SORCS3: variants seen among roughly 807,000 people sequenced by gnomAD.
The protein encoded by SORCS3 is sortilin related VPS10 domain containing receptor 3.
SORCS3 carries 57 observed loss-of-function variants against 146.3 expected under a neutral mutation model. The ratio of observed to expected loss-of-function variants is 0.39; its 90% CI spans 0.31 to 0.49. The LOEUF (loss-of-function observed/expected upper bound fraction) is 0.49, where lower values mean the gene tolerates loss of function less well. Ranked by LOEUF, SORCS3 falls within the 20% of genes least tolerant of loss-of-function variation. The pLI is 0.92. For synonymous variants in SORCS3, 653 were observed against 618.5 expected, an observed-to-expected ratio of 1.06 and a Z score of -0.83; for missense variants, 1,341 against 1,575.5, an observed-to-expected ratio of 0.85 and a Z score of 2.52.
intron 3 of SORCS3, among the ~76,000 whole-genome samples, chr10:104,945,987 C>A (rs1254380391): frequency 6.6e-6 from 1 of 152,142 alleles, no homozygotes; most frequent in Middle Eastern, 3.4e-3. Flanking sequence ...CTAGTCCTGG[C>A]TCCACCTCTT....
chr10:105,214,708 C>A, intron 18 of SORCS3, 95 bp downstream of exon 18: 2 of 1,218,926 alleles, frequency 1.6e-6, no homozygotes, highest in Non-Finnish European at 1.1e-6. Flanking sequence ...GACCCCTGCA[C>A]CAAAGTCAAT....
chr10:104,644,159 A>G (rs1428307461), intron 1 of SORCS3, among the ~76,000 whole-genome samples: 1 of 152,220 alleles, frequency 6.6e-6, no homozygotes, highest in Non-Finnish European at 1.5e-5. Context: ...GGTGACAGCA[A>G]TGAGATTGGA....
intron 3 of SORCS3, 60 bp downstream of exon 3, chr10:104,915,992 C>T: frequency 1.5e-6 from 2 of 1,329,398 alleles, no homozygotes; most frequent in Non-Finnish European, 2.2e-6. Flanking sequence ...CTGATTAGGG[C>T]CAGAGGTTAA....
At chr10:104,742,874 A>T (rs2016865326) in intron 1 of SORCS3, among the ~76,000 whole-genome samples, 1 of 152,192 alleles carries the variant, frequency 6.6e-6, no homozygotes, top group Non-Finnish European at 1.5e-5. Context: ...AGACTCCGTA[A>T]GACTGGCCAC....
intron 1 of SORCS3, among the ~76,000 whole-genome samples, chr10:104,768,548 TA>T (rs1797298952): frequency 6.6e-6 from 1 of 152,244 alleles, no homozygotes; most frequent in African/African-American, 2.4e-5. Flanking sequence ...TTTTTCTGTC[TA>T]TTGTTTTCTT....
At chr10:105,210,622 C>T (rs1350603357) in intron 16 of SORCS3, among the ~76,000 whole-genome samples, 3 of 152,126 alleles carry the variant, frequency 2.0e-5, no homozygotes, top group Non-Finnish European at 4.4e-5. Context: ...TAAAGAAACA[C>T]ACAAAAAGAG....
chr10:105,080,782 C>T (rs543424354), intron 5 of SORCS3, among the ~76,000 whole-genome samples: 1 of 152,082 alleles, frequency 6.6e-6, no homozygotes, highest in East Asian at 1.9e-4. Context: ...ATCCCAGCAC[C>T]AAAACAGCAT....
chr10:104,687,733 G>A (rs528789277), intron 1 of SORCS3, among the ~76,000 whole-genome samples: 10 of 152,210 alleles, frequency 6.6e-5, no homozygotes, highest in Middle Eastern at 3.4e-3. Flanking sequence ...GGTGGGGAGC[G>A]GAGGGCTGGA....
chr10:104,803,846 T>A (rs1393324641), intron 1 of SORCS3, among the ~76,000 whole-genome samples: 1 of 152,208 alleles, frequency 6.6e-6, no homozygotes, highest in Non-Finnish European at 1.5e-5. Context: ...GAGAGTCCTC[T>A]GCCTCCTCCA....
At chr10:105,138,761 A>G (rs1261680386) in intron 7 of SORCS3, among the ~76,000 whole-genome samples, 1 of 152,216 alleles carries the variant, frequency 6.6e-6, no homozygotes, top group Non-Finnish European at 1.5e-5. Flanking sequence ...CTAGCCAGAG[A>G]TAACAGAGTT....
intron 5 of SORCS3, among the ~76,000 whole-genome samples, chr10:105,073,894 CTGTG>C (rs2055573069): frequency 6.6e-6 from 1 of 152,028 alleles, no homozygotes; most frequent in African/African-American, 2.4e-5. Flanking sequence ...GCAGTTTGAT[CTGTG>C]TGTGTGTAAC....
chr10:104,676,377 T>C (rs2015913228), intron 1 of SORCS3, among the ~76,000 whole-genome samples: 1 of 152,192 alleles, frequency 6.6e-6, no homozygotes, highest in Non-Finnish European at 1.5e-5. Flanking sequence ...GATAAAAGCC[T>C]CTTTTTCAAG....
chr10:105,120,110 C>T (rs541367755), intron 7 of SORCS3, among the ~76,000 whole-genome samples: 2 of 152,176 alleles, frequency 1.3e-5, no homozygotes, highest in South Asian at 2.1e-4. Context: ...ATCATGGGGG[C>T]GGTTGCCCTC....
At chr10:105,169,441 C>T (rs1328484419) in intron 13 of SORCS3, among the ~76,000 whole-genome samples, 1 of 152,028 alleles carries the variant, frequency 6.6e-6, no homozygotes, top group African/African-American at 2.4e-5. Context: ...TCTCAAAGTT[C>T]AGCCCTCATG....
At chr10:105,071,076 A>G (rs898572461) in intron 5 of SORCS3, among the ~76,000 whole-genome samples, 1 of 152,150 alleles carries the variant, frequency 6.6e-6, no homozygotes, top group Admixed American at 6.5e-5. Flanking sequence ...TGGAGAGTGT[A>G]GGACTCCTGG....
intron 5 of SORCS3, among the ~76,000 whole-genome samples, chr10:105,045,971 A>C (rs1420014933): frequency 6.6e-6 from 1 of 152,180 alleles, no homozygotes; most frequent in African/African-American, 2.4e-5. Context: ...TTTATTGCCA[A>C]GAATCCACAT....
intron 1 of SORCS3, among the ~76,000 whole-genome samples, chr10:104,826,598 C>A (rs771017411): frequency 1.3e-5 from 2 of 152,084 alleles, no homozygotes; most frequent in Non-Finnish European, 2.9e-5. Context: ...AATGATTACC[C>A]GAGCCTTTAG....
chr10:104,773,991 G>A (rs914134259), intron 1 of SORCS3, among the ~76,000 whole-genome samples: 26 of 152,076 alleles, frequency 1.7e-4, no homozygotes, highest in African/African-American at 5.3e-4. Flanking sequence ...CCATTCCAGG[G>A]GATTCTGCAC....
chr10:104,954,689 A>C (rs1307760933), intron 3 of SORCS3, among the ~76,000 whole-genome samples: 2 of 152,240 alleles, frequency 1.3e-5, no homozygotes, highest in African/African-American at 4.8e-5. Flanking sequence ...GAAAGGAAGC[A>C]GACCTGCAAC....
Sources: gnomAD v4.1 joint callset for allele counts (sites outside exome capture counted in the v4.1 genomes callset) on GRCh38, gnomAD v4.1.1 for gene constraint, MANE v1.5 for transcripts, NCBI Gene and HGNC (gene_info 2026-07-23, HGNC 2026-07-21) for gene names.